Variants in CSMD3 observed in about 807,000 individuals in gnomAD.
CSMD3 encodes the protein CUB and sushi domain-containing protein 3.
A neutral mutation model predicts 435.2 loss-of-function variants in CSMD3; 177 were observed. The ratio of observed to expected loss-of-function variants is 0.41; its 90% CI spans 0.36 to 0.46. The LOEUF (loss-of-function observed/expected upper bound fraction) is 0.46. Among genes scored for constraint, CSMD3 ranks in the 20% least tolerant of loss-of-function variants. The probability of loss-of-function intolerance (pLI) is 0.34; values close to 1 mark genes in which losing one functional copy is unlikely to be tolerated. For missense variants in CSMD3, 4,265 were observed against 4,504.6 expected, an observed-to-expected ratio of 0.95 and a Z score of 1.52; for synonymous variants, 1,656 against 1,520.5, an observed-to-expected ratio of 1.09 and a Z score of -2.07.
chr8:113,091,096 A>T (rs1051696868), intron 5 of CSMD3, among the ~76,000 whole-genome samples: 1 of 152,132 alleles, frequency 6.6e-6, no homozygotes, highest in Non-Finnish European at 1.5e-5. Context: ...CTTGGCTAGG[A>T]CTAAGTAATA....
intron 31 of CSMD3, among the ~76,000 whole-genome samples, chr8:112,476,523 T>C (rs1819070049): frequency 6.6e-6 from 1 of 152,156 alleles, no homozygotes; most frequent in Non-Finnish European, 1.5e-5. Flanking sequence ...TTACATGTAA[T>C]ATCTCACAGG....
At chr8:113,331,751 C>T (rs2094029136) in intron 1 of CSMD3, among the ~76,000 whole-genome samples, 1 of 151,538 alleles carries the variant, frequency 6.6e-6, no homozygotes, top group South Asian at 2.1e-4. Context: ...TAAAACCACT[C>T]AATAAACTAA....
intron 27 of CSMD3, among the ~76,000 whole-genome samples, chr8:112,535,402 G>A (rs1285594871): frequency 6.6e-6 from 1 of 151,774 alleles, no homozygotes; most frequent in African/African-American, 2.4e-5. Flanking sequence ...GCCAAATCAT[G>A]AGTGAACTCC....
In CSMD3 at chr8:112,440,078, T is replaced by C. The variant is rs76166164; in HGVS notation, c.5396-31046A>G. Among the ~76,000 whole-genome samples the C allele has an allele frequency of 2.2e-3, 332 of 152,260 alleles. 2 individuals carry two copies. The highest frequency in any genetic ancestry group is 7.7e-3 in the African/African-American group (321 of 41,554). On this transcript the variant is annotated intron_variant, in intron 32 of 70. Coordinates refer to ENST00000297405, the MANE Select transcript of CSMD3 (RefSeq NM_198123.2). ...CCAAAAGGCCAAGTTCAAAGTCTCA[T>C]CTGAATCAAGGCAAGTCCCTTCTAT...
Position 113,436,692 on chromosome 8 carries a change from C to T in CSMD3, c.163G>A (p.Val55Met), listed in dbSNP as rs2130151605. Residue 55 changes from valine to methionine, a missense_variant, in exon 1 of 71, where the codon GTG becomes ATG. Around this residue, in one of 3 missense-constraint regions of CSMD3, gnomAD observed 731 missense variants for 755.4 expected, o/e 0.97. Transcript: ENST00000297405. ...TFWNLVFLLT[V>M]SCVKGFIYTC... ...GCAGACCTACCTTTCACACAAGACACCGTCAATAAAAAGACGAGGTTCCAA... is the reference window on the plus strand; with the variant it reads ...GCAGACCTACCTTTCACACAAGACATCGTCAATAAAAAGACGAGGTTCCAA... The T allele has an allele frequency of 1.2e-6, 2 of 1,614,164 alleles. No individual in the cohort carries two copies. The highest frequency in any genetic ancestry group is 4.5e-5 in the East Asian group (2 of 44,876).
At chr8:113,113,590 G>A (rs1029967886) in intron 4 of CSMD3, among the ~76,000 whole-genome samples, 1 of 152,184 alleles carries the variant, frequency 6.6e-6, no homozygotes, top group African/African-American at 2.4e-5. Flanking sequence ...TAACTGTGTT[G>A]CTGGCTGGGA....
chr8:113,411,653 T>C (rs1213354258), intron 1 of CSMD3, among the ~76,000 whole-genome samples: 1 of 152,184 alleles, frequency 6.6e-6, no homozygotes, highest in Admixed American at 6.5e-5. Context: ...TAGATTTTCA[T>C]TTCATGTGCT....
chr8:113,263,403 CCAG>C (rs1230405564), intron 3 of CSMD3, among the ~76,000 whole-genome samples: 4 of 151,920 alleles, frequency 2.6e-5, no homozygotes, highest in Non-Finnish European at 4.4e-5. Context: ...AGTCCCACAA[CCAG>C]TGCTTTGAGG....
chr8:113,314,748 G>A lies in CSMD3; in HGVS notation c.224C>T (p.Thr75Ile), dbSNP rs780617231. The change falls in exon 2 of 71, where the codon ACT becomes ATT. Residue 75 changes from threonine (T) to isoleucine (I), a missense_variant. Coordinates refer to ENST00000297405, the MANE Select transcript of CSMD3 (RefSeq NM_198123.2). Reference sequence around the variant, plus strand: ...ATATGGAAAACCAGGGCTTTCTATAGTGCCATTAAGTCCTTTTAAAGTTCC... The same window carrying A: ...ATATGGAAAACCAGGGCTTTCTATAATGCCATTAAGTCCTTTTAAAGTTCC... ...CGGTLKGLNG[T>I]IESPGFPYGY... The A allele has an allele frequency of 1.2e-6, 2 of 1,612,658 alleles. No individual in the cohort carries two copies. The highest frequency in any genetic ancestry group is 1.3e-5 in the African/African-American group (1 of 74,860).
chr8:112,479,987 G>T (rs954608618), intron 31 of CSMD3, among the ~76,000 whole-genome samples: 2 of 152,178 alleles, frequency 1.3e-5, no homozygotes, highest in African/African-American at 4.8e-5. Context: ...TGGAAAAGCT[G>T]CAAGCACTCA....
rs570071003 is a variant in CSMD3, at chr8:112,337,701, C to T, written c.6683G>A (p.Arg2228His). The change falls in exon 43 of 71, where the codon CGC becomes CAC. Residue 2228 changes from arginine (R) to histidine (H), a missense_variant. Physicochemically the swap from Arg to His is conservative, Grantham distance 29 (BLOSUM62 0). Coordinates refer to ENST00000297405, the MANE Select transcript of CSMD3 (RefSeq NM_198123.2). ...AYQLQSCPDP[R>H]PFRNGFVIGN... is the part of the protein sequence containing the mutation. ...AATTACAAAACCATTTCGAAACGGG[C>T]GTGGATCAGGACAGCTTTGCAACTG... 5.6e-5 allele frequency: 91 copies of T among 1,613,392 alleles called. No individual in the cohort carries two copies. Among genetic ancestry groups the T allele is most frequent in the South Asian group, 2.3e-4 (21 of 91,072 alleles).
intron 13 of CSMD3, among the ~76,000 whole-genome samples, chr8:112,745,329 A>G (rs2077401953): frequency 6.6e-6 from 1 of 152,118 alleles, no homozygotes; most frequent in Non-Finnish European, 1.5e-5. Context: ...TATCATATCA[A>G]ACAAGAGAAA....
chr8:113,113,833 A>G (rs2090740479), intron 4 of CSMD3, among the ~76,000 whole-genome samples: 1 of 152,180 alleles, frequency 6.6e-6, no homozygotes, highest in South Asian at 2.1e-4. Context: ...AAATGAACAC[A>G]ATTTTTGGAA....
chr8:113,339,315 A>G (rs1230178379), intron 1 of CSMD3, among the ~76,000 whole-genome samples: 2 of 151,992 alleles, frequency 1.3e-5, no homozygotes, highest in African/African-American at 2.4e-5. Context: ...AATTTAAATA[A>G]GTACATCAAA....
rs543050756 is a variant in CSMD3 at position 113,335,120 on chromosome 8, G to A, written c.179-20327C>T. Among the ~76,000 whole-genome samples, 6 of 152,068 alleles carry A rather than the reference G, an allele frequency of 3.9e-5. No individual in the cohort carries two copies. In the South Asian group the frequency reaches 8.3e-4, roughly 21 times the overall value. On this transcript the variant is annotated intron_variant, in intron 1 of 70. Coordinates refer to ENST00000297405, the MANE Select transcript of CSMD3 (RefSeq NM_198123.2). ...CTGATTGTTTAAAAGTGCATAGCACGCCACCTCCACCCTGGCTCCTGCTCC... is the reference window on the plus strand; with the variant it reads ...CTGATTGTTTAAAAGTGCATAGCACACCACCTCCACCCTGGCTCCTGCTCC...
chr8:113,146,065 T>C (rs2091665842), intron 4 of CSMD3, among the ~76,000 whole-genome samples: 1 of 151,454 alleles, frequency 6.6e-6, no homozygotes, highest in East Asian at 1.9e-4. Flanking sequence ...ACCTGAAACA[T>C]AGCATAAAAT....
At chr8:112,226,949 C>T (rs1586447851) in intron 70 of CSMD3, among the ~76,000 whole-genome samples, 1 of 152,192 alleles carries the variant, frequency 6.6e-6, no homozygotes, top group Non-Finnish European at 1.5e-5. Flanking sequence ...TTGGACAAAG[C>T]AGAACCTTTA....
Position 112,247,121 on chromosome 8 carries a change from A to G in CSMD3, c.10121T>C (p.Val3374Ala). 2.5e-6 allele frequency: 4 copies of G among 1,609,980 alleles called. No homozygotes were observed. The South Asian group carries it at 3.3e-5, about 13-fold the overall frequency. The change falls in exon 64 of 71, where the codon GTT becomes GCT. Residue 3374 changes from valine to alanine, a missense_variant. By Grantham distance (64) the Val-to-Ala change is moderately conservative. This residue lies in a region of CSMD3 where 3,255 missense variants were observed against 3,380.2 expected (regional missense o/e 0.96). Transcript: ENST00000297405. Reference protein sequence around the residue: ...NNTFGFQVGSVVQFHCKKGHL... With the variant: ...NNTFGFQVGSAVQFHCKKGHL... ...TCCTTTTTTGCAATGGAACTGTACA[A>G]CACTTCCTACCTATAGCAAATTAAA...
chr8:112,592,388 A>G (rs1831266995), intron 22 of CSMD3, among the ~76,000 whole-genome samples: 1 of 152,010 alleles, frequency 6.6e-6, no homozygotes, highest in Non-Finnish European at 1.5e-5. Context: ...CTCTAAATAC[A>G]ATACATGTAT....
Sources: gnomAD v4.1 joint callset for allele counts (sites outside exome capture counted in the v4.1 genomes callset) on GRCh38, gnomAD v4.1.1 for gene constraint, gnomAD v4.1.1 regional missense constraint, MANE v1.5 for transcripts, NCBI Gene and HGNC (gene_info 2026-07-23, HGNC 2026-07-21) for gene names.